The following INPP5D variants were observed in gnomAD, a reference collection of about 807,000 sequenced individuals.
INPP5D encodes the protein inositol polyphosphate-5-phosphatase D.
In INPP5D, 33 loss-of-function variants were observed where a neutral mutation model predicts 122.9. The observed-to-expected ratio is 0.27, with a 90% CI of 0.20 to 0.36. INPP5D has a LOEUF of 0.36. Ranked by LOEUF, INPP5D falls within the 10% of genes least tolerant of loss-of-function variation. INPP5D has a pLI of 1.00. For missense variants in INPP5D, 1,053 were observed against 1,412.7 expected, an observed-to-expected ratio of 0.75 and a Z score of 4.08; for synonymous variants, 584 against 576.2, an observed-to-expected ratio of 1.01 and a Z score of -0.19.
chr2:233,136,428 G>T (rs560847955), intron 5 of INPP5D, among the ~76,000 whole-genome samples: 1 of 151,982 alleles, frequency 6.6e-6, no homozygotes, highest in East Asian at 1.9e-4. Context: ...GCAGTGAGCC[G>T]AGATGGTGCC....
chr2:233,104,488 C>CT (rs1692410473), intron 2 of INPP5D, among the ~76,000 whole-genome samples: 1 of 152,074 alleles, frequency 6.6e-6, no homozygotes, highest in African/African-American at 2.4e-5. Context: ...AGAGGCCCTG[C>CT]TAAAGAGCAG....
At position 233,115,487 on chromosome 2, in the gene INPP5D, G is replaced by A. The variant is rs114547031; in HGVS notation, c.199-6620G>A. Among the ~76,000 whole-genome samples, 374 of 152,302 alleles carry A rather than the reference G, an allele frequency of 2.5e-3. 6 individuals are homozygous for A. The highest frequency in any genetic ancestry group is 8.3e-3 in the African/African-American group (344 of 41,578). Reference sequence around the variant, plus strand: ...GTTTCTGGAAATGCAGCACTTCTCAGCATGTGCAGCCCTGAGCCTCCAGCA... The same window carrying A: ...GTTTCTGGAAATGCAGCACTTCTCAACATGTGCAGCCCTGAGCCTCCAGCA... On this transcript the variant is annotated intron_variant, in intron 2 of 26. Coordinates refer to ENST00000445964, the MANE Select transcript of INPP5D (RefSeq NM_001017915.3).
In INPP5D at chr2:233,204,371, C is replaced by A. The variant is rs747339223; in HGVS notation, c.3221C>A (p.Pro1074His). ...CAGGAGGCTGATCGCGGCGAGGGGC[C>A]CGGCAAGCAGGTGCCCGCGCCCCGG... ...KAQEADRGEG[P>H]GKQVPAPRLR... The change falls in exon 26 of 27, where the codon CCC (proline) becomes CAC (histidine). Residue 1074 changes from proline to histidine, a missense_variant. Coordinates refer to ENST00000445964, the MANE Select transcript of INPP5D (RefSeq NM_001017915.3). 9 of 1,610,152 alleles carry A rather than the reference C, an allele frequency of 5.6e-6. No homozygotes were observed. In the East Asian group the frequency reaches 1.8e-4, roughly 32 times the overall value.
intron 17 of INPP5D, among the ~76,000 whole-genome samples, chr2:233,176,315 C>CGATGGATG (rs1009641728): frequency 0.043 from 885 of 20,648 alleles, 18 homozygotes; most frequent in African/African-American, 0.071. Flanking sequence ...TGGATGGGTG[C>CGATGGATG]GATGGATGGA....
chr2:233,124,074 TAACA>T (rs1693078282), intron 3 of INPP5D, among the ~76,000 whole-genome samples: 1 of 151,860 alleles, frequency 6.6e-6, no homozygotes, highest in Middle Eastern at 3.4e-3. Context: ...TTTACTTATG[TAACA>T]AACCTGCACA....
chr2:233,077,054 C>T (rs965684123), intron 1 of INPP5D, among the ~76,000 whole-genome samples: 2 of 152,192 alleles, frequency 1.3e-5, no homozygotes, highest in African/African-American at 4.8e-5. Context: ...AACACGTGTA[C>T]AGCACATGGT....
In INPP5D at chr2:233,100,496, G is replaced by A. The variant is rs994855148; in HGVS notation, c.198+21098G>A. Among the ~76,000 whole-genome samples, 3 of 152,136 alleles carry A rather than the reference G, an allele frequency of 2.0e-5. No individual in the cohort carries two copies. The highest frequency in any genetic ancestry group is 1.3e-4 in the Admixed American group (2 of 15,262). On this transcript the variant is annotated intron_variant, in intron 2 of 26. Coordinates refer to ENST00000445964, the MANE Select transcript of INPP5D (RefSeq NM_001017915.3). The surrounding 1 kb of genome is among the most constrained non-coding windows in gnomAD (Gnocchi z 5.3). ...CACTGTAAACTCCAAAACAGCCCAC[G>A]TTACTCCCGGTGACAATCAGAATTC...
rs1362700260 is a variant in INPP5D at position 233,182,489 on chromosome 2, C to A, written c.2151C>A (p.Val717=). ...AGGCAGGAGTCACTTCCCAGTTTGT[C>A]TCCAAGAACGGTAAGCAAAGGATGG... The part of the protein sequence containing the change: ...TFEAGVTSQF[V]SKNGPGTVDS... Residue 717 remains valine (V), a synonymous_variant, in exon 19 of 27, where the codon GTC becomes GTA. Transcript: ENST00000445964. 2 of 1,613,454 alleles carry A rather than the reference C, an allele frequency of 1.2e-6. No individual in the cohort carries two copies. The highest frequency in any genetic ancestry group is 1.1e-5 in the South Asian group (1 of 91,052).
At chr2:233,084,181 G>A (rs536336513) in intron 2 of INPP5D, among the ~76,000 whole-genome samples, 21 of 152,190 alleles carry the variant, frequency 1.4e-4, no homozygotes, top group Admixed American at 3.9e-4. Context: ...AGTCTCCTGA[G>A]TAGCTGAGAT....
chr2:233,163,522 C>T (rs969358739), intron 11 of INPP5D, among the ~76,000 whole-genome samples, 185 bp from the exon 12 acceptor site: 3 of 152,144 alleles, frequency 2.0e-5, no homozygotes, highest in African/African-American at 7.2e-5. Flanking sequence ...TGAGCTCTAG[C>T]CCTAACCGAC....
chr2:233,097,019 C>G (rs1692162709), intron 2 of INPP5D, among the ~76,000 whole-genome samples: 1 of 152,118 alleles, frequency 6.6e-6, no homozygotes, highest in South Asian at 2.1e-4. Flanking sequence ...ATGTTTAGCT[C>G]TTTATTTATT....
At chr2:233,155,954 C>T (rs1694042282) in intron 9 of INPP5D, among the ~76,000 whole-genome samples, 1 of 152,214 alleles carries the variant, frequency 6.6e-6, no homozygotes, top group Admixed American at 6.5e-5. Context: ...CTGTGATTCC[C>T]TCAGAGAACC....
At position 233,206,083 on chromosome 2, in the gene INPP5D, A is replaced by T. The variant is rs886399607; in HGVS notation, c.3568-623A>T. 1.3e-5 allele frequency among the ~76,000 whole-genome samples: 2 copies of T among 152,014 alleles called. No homozygotes were observed. The highest frequency in any genetic ancestry group is 2.9e-5 in the Non-Finnish European group (2 of 68,024). ...GACAGAGTGAGACTCCATCTCAAAA[A>T]AGAGAACAGTCAGGCTATGTTGGAT... On this transcript the variant is annotated intron_variant, in intron 26 of 26. Transcript: ENST00000445964. The surrounding 1 kb of genome is among the most constrained non-coding windows in gnomAD (Gnocchi z 4.0).
chr2:233,169,936 G>A (rs10754947), intron 14 of INPP5D, 90 bp from the exon 15 acceptor site: 646,615 of 1,590,642 alleles, frequency 0.41, 142,457 homozygotes, highest in Non-Finnish European at 0.46. Flanking sequence ...TATGCTCCTC[G>A]CCCCACACCT....
In INPP5D at chr2:233,078,551, G is replaced by A. The variant is rs976458936; in HGVS notation, c.135-784G>A. ...GAGCTCAGCGGGAACGAGGTGCTGA[G>A]TGATCCCTGCCCCTGACAGGTGGCC... On this transcript the variant is annotated intron_variant, in intron 1 of 26. Coordinates refer to ENST00000445964, the MANE Select transcript of INPP5D (RefSeq NM_001017915.3). This position sits in a 1 kb window ranked among gnomAD's most constrained non-coding sequence, Gnocchi z 4.6. Among the ~76,000 whole-genome samples the A allele has an allele frequency of 5.3e-5, 8 of 152,224 alleles. No individual in the cohort carries two copies. The highest frequency in any genetic ancestry group is 2.0e-4 in the Admixed American group (3 of 15,290).
chr2:233,203,743 A>T (rs1695400846), intron 25 of INPP5D, among the ~76,000 whole-genome samples: 1 of 152,024 alleles, frequency 6.6e-6, no homozygotes, highest in Admixed American at 6.5e-5. Context: ...AATAAAACAA[A>T]ACTAAAAAAT....
At chr2:233,186,064 C>A in intron 21 of INPP5D, 139 bp downstream of exon 21, 2 of 1,256,222 alleles carry the variant, frequency 1.6e-6, no homozygotes, top group Non-Finnish European at 2.1e-6. Context: ...GAGACCCACT[C>A]TAGGAGCAAG....
At chr2:233,064,459 TAC>T (rs1480088768) in intron 1 of INPP5D, among the ~76,000 whole-genome samples, 1 of 152,236 alleles carries the variant, frequency 6.6e-6, no homozygotes, top group Non-Finnish European at 1.5e-5. Flanking sequence ...AGAAGGTTGT[TAC>T]CAACCTGCTC....
intron 2 of INPP5D, among the ~76,000 whole-genome samples, chr2:233,111,924 G>C (rs574705638): frequency 6.7e-6 from 1 of 148,170 alleles, no homozygotes; most frequent in African/African-American, 2.6e-5. Context: ...TTAGCCAAAC[G>C]TGGTGATGCA....
Sources: gnomAD v4.1 joint callset for allele counts (sites outside exome capture counted in the v4.1 genomes callset) on GRCh38, gnomAD v4.1.1 for gene constraint, Gnocchi (gnomAD v3.1) non-coding constraint, MANE v1.5 for transcripts, NCBI Gene and HGNC (gene_info 2026-07-23, HGNC 2026-07-21) for gene names.